Variants in IL10RB observed in about 807,000 individuals in gnomAD.
The protein encoded by IL10RB is interleukin-10 receptor subunit beta.
A neutral mutation model predicts 38.7 loss-of-function variants in IL10RB; 30 were observed. The ratio of observed to expected loss-of-function variants is 0.78; its 90% CI spans 0.58 to 1.05. The LOEUF is 1.05. IL10RB is among the 50% of genes least tolerant of loss of function. The pLI is 0.00. For missense variants in IL10RB, 328 were observed against 397.1 expected, an observed-to-expected ratio of 0.83 and a Z score of 1.48; for synonymous variants, 142 against 145.9, an observed-to-expected ratio of 0.97 and a Z score of 0.19.
intron 3 of IL10RB, among the ~76,000 whole-genome samples, chr21:33,277,672 T>TG (rs1330479690): frequency 8.1e-5 from 11 of 135,874 alleles, no homozygotes; most frequent in Non-Finnish European, 1.6e-5. Context: ...TTCTTTCTTT[T>TG]TTTTTTTTTT....
chr21:33,286,764 G>A lies in IL10RB; in HGVS notation c.647-1340G>A, dbSNP rs943226692. 2.0e-5 allele frequency among the ~76,000 whole-genome samples: 3 copies of A among 152,188 alleles called. No individual in the cohort carries two copies. In the East Asian group the frequency reaches 5.8e-4, roughly 29 times the overall value. On this transcript the variant is annotated intron_variant, in intron 5 of 6. Transcript: ENST00000290200. ...GCTACCCAGGAGGCTGAGGTGGGAG[G>A]ATCACTTGAGTCCTGGAAGTCAAGG...
chr21:33,297,569 G>C (rs1183461385), downstream of IL10RB, among the ~76,000 whole-genome samples: 5 of 152,184 alleles, frequency 3.3e-5, no homozygotes, highest in Admixed American at 2.0e-4. Context: ...TGTAATCCCA[G>C]AACTTTGGGA....
At chr21:33,298,485 A>T (rs1444495147), downstream of IL10RB, among the ~76,000 whole-genome samples, 1 of 152,072 alleles carries the variant, frequency 6.6e-6, no homozygotes, top group East Asian at 1.9e-4. Flanking sequence ...GTGGTGGTGC[A>T]CACCTGTAAT....
intron 2 of IL10RB, 23 bp from the exon 3 acceptor site, chr21:33,276,573 G>T: frequency 1.2e-6 from 2 of 1,605,394 alleles, no homozygotes; most frequent in South Asian, 2.2e-5. Context: ...TCTCCTGATT[G>T]ACCTATCTTT....
downstream of IL10RB, among the ~76,000 whole-genome samples, chr21:33,299,111 C>T (rs2082978752): frequency 6.6e-6 from 1 of 152,110 alleles, no homozygotes; most frequent in South Asian, 2.1e-4. Context: ...GAAACCCACT[C>T]GGACCCACTC....
At chr21:33,269,298 G>A (rs954741904) in intron 2 of IL10RB, among the ~76,000 whole-genome samples, 3 of 152,218 alleles carry the variant, frequency 2.0e-5, no homozygotes, top group African/African-American at 7.2e-5. Flanking sequence ...TACGCCACAT[G>A]CTGGACTGCA....
downstream of IL10RB, among the ~76,000 whole-genome samples, chr21:33,300,721 C>G (rs2082983865): frequency 6.6e-6 from 1 of 152,174 alleles, no homozygotes; most frequent in South Asian, 2.1e-4. Context: ...AGCTGCCCAT[C>G]TCTTCCACCA....
chr21:33,296,376 A>G lies in IL10RB; in HGVS notation c.*19A>G, dbSNP rs748094483. On this transcript the variant is annotated 3_prime_UTR_variant, in exon 7 of 7. Coordinates refer to ENST00000290200, the MANE Select transcript of IL10RB (RefSeq NM_000628.5). ...AAGCTAGGCTCTGAGAAGGAAACACACTCGGCTGGGCACAGTGACGTACTC... is the reference window on the plus strand; with the variant it reads ...AAGCTAGGCTCTGAGAAGGAAACACGCTCGGCTGGGCACAGTGACGTACTC... 2 of 1,610,558 alleles carry G rather than the reference A, an allele frequency of 1.2e-6. No individual in the cohort carries two copies. Among genetic ancestry groups the G allele is most frequent in the South Asian group, 2.2e-5 (2 of 91,030 alleles).
rs544407415 is a variant in IL10RB, at chr21:33,296,310, G to A, written c.931G>A (p.Asp311Asn). Residue 311 changes from aspartate to asparagine, a missense_variant, in exon 7 of 7, where the codon GAC becomes AAC. Physicochemically the swap from Asp to Asn is conservative, Grantham distance 23. Transcript: ENST00000290200. ...TGAGAGCGGCAAGCAGAATCCTGGT[G>A]ACAGCTGCAGCCTCGGGACCCCGCC... ...DSESGKQNPG[D>N]SCSLGTPPGQ... 6.2e-7 allele frequency: 1 copy of A among 1,614,092 alleles called. No individual in the cohort carries two copies. Among genetic ancestry groups the A allele is most frequent in the African/African-American group, 1.3e-5 (1 of 75,058 alleles).
intron 2 of IL10RB, among the ~76,000 whole-genome samples, chr21:33,270,072 C>T (rs975198713): frequency 6.6e-6 from 1 of 152,256 alleles, no homozygotes; most frequent in Non-Finnish European, 1.5e-5. Flanking sequence ...TAATCTCTTA[C>T]ATCACATAGT....
chr21:33,287,077 A>C (rs1230006115), intron 5 of IL10RB, among the ~76,000 whole-genome samples: 1 of 152,168 alleles, frequency 6.6e-6, no homozygotes, highest in Admixed American at 6.5e-5. Context: ...TTTCAAAAGA[A>C]TGGCTCGCAG....
intron 1 of IL10RB, among the ~76,000 whole-genome samples, chr21:33,267,519 T>TG (rs1988986834): frequency 3.7e-5 from 1 of 26,782 alleles, no homozygotes; most frequent in South Asian, 2.2e-3. Context: ...TGTTTTTTTG[T>TG]TTTTTTTTGA....
intron 6 of IL10RB, among the ~76,000 whole-genome samples, chr21:33,294,375 G>A (rs1022730560): frequency 8.4e-6 from 1 of 118,676 alleles, no homozygotes; most frequent in African/African-American, 4.1e-5. Context: ...CAGTTTGTGT[G>A]TGTGTGTGTG....
intron 6 of IL10RB, among the ~76,000 whole-genome samples, chr21:33,292,142 C>A (rs367688587): frequency 6.6e-6 from 1 of 152,312 alleles, no homozygotes; most frequent in East Asian, 1.9e-4. Flanking sequence ...TTGTCCCTAA[C>A]CTTCCAGTCT....
At chr21:33,298,838 T>C (rs1316784987), downstream of IL10RB, among the ~76,000 whole-genome samples, 2 of 152,064 alleles carry the variant, frequency 1.3e-5, no homozygotes, top group East Asian at 3.8e-4. Context: ...GCTGTGCCAA[T>C]AGAAAAGGGA....
Position 33,266,445 on chromosome 21 carries a change from C to A in IL10RB, c.-21C>A, listed in dbSNP as rs766157847. The A allele has an allele frequency of 6.5e-7, 1 of 1,540,524 alleles. No homozygotes were observed. The highest frequency in any genetic ancestry group is 1.2e-5 in the South Asian group (1 of 83,926). ...GGGGTCGTGTGCTTGGAGGAAGCCGCGGAACCCCCAGCGTCCGTCCATGGC... is the reference window on the plus strand; with the variant it reads ...GGGGTCGTGTGCTTGGAGGAAGCCGAGGAACCCCCAGCGTCCGTCCATGGC... On this transcript the variant is annotated 5_prime_UTR_variant, in exon 1 of 7. Coordinates refer to ENST00000290200, the MANE Select transcript of IL10RB (RefSeq NM_000628.5).
chr21:33,277,668 C>CTTTTTTTTTTTTTTTTTTTTTT (rs1216043179), intron 3 of IL10RB, among the ~76,000 whole-genome samples: 43 of 92,970 alleles, frequency 4.6e-4, no homozygotes, highest in Non-Finnish European at 6.4e-4. Context: ...TTCTTTCTTT[C>CTTTTTTTTTTTTTTTTTTTTTT]TTTTTTTTTT....
chr21:33,271,655 G>T (rs985593049), intron 2 of IL10RB, among the ~76,000 whole-genome samples: 28 of 151,708 alleles, frequency 1.8e-4, no homozygotes, highest in African/African-American at 6.3e-4. Flanking sequence ...TTGAACCCAG[G>T]AGGCAGAGAT....
intron 5 of IL10RB, 63 bp from the exon 6 acceptor site, chr21:33,288,041 G>A (rs921339960): frequency 4.0e-5 from 59 of 1,468,324 alleles, no homozygotes; most frequent in Non-Finnish European, 5.3e-5. Flanking sequence ...TGGTTAAAAT[G>A]CTCTTGGGAT....
Sources: gnomAD v4.1 joint callset for allele counts (sites outside exome capture counted in the v4.1 genomes callset) on GRCh38, gnomAD v4.1.1 for gene constraint, MANE v1.5 for transcripts, NCBI Gene and HGNC (gene_info 2026-07-23, HGNC 2026-07-21) for gene names.